The following PIBF1 variants were observed in gnomAD, a reference collection of about 807,000 sequenced individuals.
The protein encoded by PIBF1 is progesterone-induced-blocking factor 1.
PIBF1 carries 90 observed loss-of-function variants against 112.5 expected under a neutral mutation model. The ratio of observed to expected loss-of-function variants is 0.80; its 90% CI spans 0.67 to 0.95. The LOEUF is 0.95. PIBF1 is among the 40% of genes least tolerant of loss of function. PIBF1 has a pLI of 0.00. For synonymous variants in PIBF1, 301 were observed against 288.6 expected (o/e 1.04, Z -0.44); for missense variants, 915 against 852.3 (o/e 1.07, Z -0.92).
At chr13:72,885,272 C>T (rs1309078465) in intron 10 of PIBF1, among the ~76,000 whole-genome samples, 1 of 152,086 alleles carries the variant, frequency 6.6e-6, no homozygotes, top group Non-Finnish European at 1.5e-5. Context: ...CTTTTCTTCA[C>T]TCTCTGTAAT....
At position 72,992,891 on chromosome 13, in the gene PIBF1, T is replaced by C. The variant is rs188143657; in HGVS notation, c.2050-5931T>C. ...AATGGGATCACACAACCAAAAACTA[T>C]CAGAAACTGGAAGAAAAAGCATAGA... On this transcript the variant is annotated intron_variant, in intron 16 of 17. Coordinates refer to ENST00000326291, the MANE Select transcript of PIBF1 (RefSeq NM_006346.4). Among the ~76,000 whole-genome samples, 152 of 150,674 alleles carry C rather than the reference T, an allele frequency of 1.0e-3. No individual in the cohort carries two copies. The Middle Eastern group carries it at 0.024, about 24-fold the overall frequency.
intron 5 of PIBF1, among the ~76,000 whole-genome samples, chr13:72,815,726 C>T (rs2036236406): frequency 6.6e-6 from 1 of 152,142 alleles, no homozygotes; most frequent in African/African-American, 2.4e-5. Flanking sequence ...AGTGCAGTGG[C>T]ATGATCACAC....
intron 17 of PIBF1, among the ~76,000 whole-genome samples, chr13:73,001,300 T>A (rs2043858723): frequency 6.6e-6 from 1 of 152,174 alleles, no homozygotes; most frequent in African/African-American, 2.4e-5. Flanking sequence ...CTGAACTTGT[T>A]GATAAGGAAT....
intron 10 of PIBF1, among the ~76,000 whole-genome samples, chr13:72,866,607 A>G (rs2038937357): frequency 6.6e-6 from 1 of 152,138 alleles, no homozygotes; most frequent in African/African-American, 2.4e-5. Context: ...TTCTTTAAGA[A>G]CATCATGACA....
intron 16 of PIBF1, among the ~76,000 whole-genome samples, chr13:72,994,771 A>G (rs1257273677): frequency 6.6e-6 from 1 of 152,240 alleles, no homozygotes; most frequent in African/African-American, 2.4e-5. Flanking sequence ...GAGGGCTTCA[A>G]AATGATTTCA....
chr13:72,888,012 C>T (rs908556451), intron 10 of PIBF1, among the ~76,000 whole-genome samples: 2 of 152,122 alleles, frequency 1.3e-5, no homozygotes, highest in African/African-American at 2.4e-5. Flanking sequence ...TTTTACAGCA[C>T]AGTTCTTGGA....
chr13:72,810,150 T>C (rs1294264077), intron 5 of PIBF1, among the ~76,000 whole-genome samples: 1 of 152,200 alleles, frequency 6.6e-6, no homozygotes, highest in Non-Finnish European at 1.5e-5. Context: ...TACTTTATGT[T>C]TATAAAAGTG....
chr13:72,873,466 G>A (rs909783193), intron 10 of PIBF1, among the ~76,000 whole-genome samples: 5 of 151,998 alleles, frequency 3.3e-5, no homozygotes, highest in African/African-American at 9.7e-5. Context: ...CAGTGGGCAC[G>A]ATCTCTGCTC....
intron 8 of PIBF1, among the ~76,000 whole-genome samples, chr13:72,831,367 T>A (rs1172467958): frequency 6.6e-6 from 1 of 152,210 alleles, no homozygotes. Context: ...AGGGTGTCAG[T>A]TTTAGATCTT....
At chr13:72,913,309 T>C (rs1217418506) in intron 12 of PIBF1, among the ~76,000 whole-genome samples, 1 of 152,180 alleles carries the variant, frequency 6.6e-6, no homozygotes, top group Non-Finnish European at 1.5e-5. Flanking sequence ...ACAAATCTTA[T>C]TTTTTAGAAA....
intron 16 of PIBF1, among the ~76,000 whole-genome samples, chr13:72,990,730 C>T (rs1312711490): frequency 6.6e-6 from 1 of 151,450 alleles, no homozygotes; most frequent in Non-Finnish European, 1.5e-5. Flanking sequence ...TGCCTGTAAT[C>T]CCAGCTACTC....
At chr13:73,011,409 C>A (rs1184377899) in intron 17 of PIBF1, among the ~76,000 whole-genome samples, 1 of 151,464 alleles carries the variant, frequency 6.6e-6, no homozygotes, top group African/African-American at 2.4e-5. Flanking sequence ...GGAGAAAAAT[C>A]CCCTTCCGTT....
intron 16 of PIBF1, among the ~76,000 whole-genome samples, chr13:72,975,845 C>T (rs548639449): frequency 1.3e-5 from 2 of 152,238 alleles, no homozygotes; most frequent in African/African-American, 4.8e-5. Flanking sequence ...GTGGAATTTT[C>T]GCAAGTGTTT....
intron 9 of PIBF1, among the ~76,000 whole-genome samples, chr13:72,851,072 G>A (rs934881121): frequency 3.6e-4 from 55 of 152,148 alleles, no homozygotes; most frequent in African/African-American, 1.3e-3. Flanking sequence ...TGGCAGCAGC[G>A]GCCCATCTGG....
chr13:72,916,397 A>AATAT (rs10665584), intron 12 of PIBF1, among the ~76,000 whole-genome samples: 1,636 of 138,096 alleles, frequency 0.012, 19 homozygotes, highest in African/African-American at 0.035. Context: ...CATCTCAAAA[A>AATAT]ATATATATAT....
chr13:72,973,332 G>GA (rs961871931), intron 15 of PIBF1, among the ~76,000 whole-genome samples: 6 of 138,260 alleles, frequency 4.3e-5, no homozygotes, highest in African/African-American at 8.1e-5. Context: ...AGAAAGAAAA[G>GA]AAAAAAGAAA....
intron 16 of PIBF1, among the ~76,000 whole-genome samples, chr13:72,984,852 C>A (rs1369520466): frequency 6.6e-6 from 1 of 152,036 alleles, no homozygotes; most frequent in Non-Finnish European, 1.5e-5. Flanking sequence ...ATATTAATAT[C>A]TCATCATAAA....
Position 72,969,107 on chromosome 13 carries a change from G to C in PIBF1, c.1964+3703G>C, listed in dbSNP as rs971107158. Among the ~76,000 whole-genome samples, 21 of 152,156 alleles carry C rather than the reference G, an allele frequency of 1.4e-4. No individual in the cohort carries two copies. The East Asian group carries it at 3.9e-3, about 28-fold the overall frequency. ...GATAGGGTTGTTCTGAGGAATAAAT[G>C]ATATAATCTTCATAATATACACAGA... On this transcript the variant is annotated intron_variant, in intron 15 of 17. Transcript: ENST00000326291.
intron 10 of PIBF1, among the ~76,000 whole-genome samples, chr13:72,876,237 A>G (rs2039397453): frequency 6.8e-6 from 1 of 147,816 alleles, no homozygotes; most frequent in Non-Finnish European, 1.5e-5. Flanking sequence ...TTTGTCAAAC[A>G]TCAGTTGACT....
Sources: gnomAD v4.1 joint callset for allele counts (sites outside exome capture counted in the v4.1 genomes callset) on GRCh38, gnomAD v4.1.1 for gene constraint, MANE v1.5 for transcripts, NCBI Gene and HGNC (gene_info 2026-07-23, HGNC 2026-07-21) for gene names.